Variants in BLTP1 observed in about 807,000 individuals in gnomAD.
The protein encoded by BLTP1 is fragile site-associated protein.
At chr4:122,237,167 TG>T in the BLTP1 span, 1 of 977,490 alleles carries the variant, frequency 1.0e-6, no homozygotes, top group Middle Eastern at 5.2e-4. Flanking sequence ...TTCACAGAGA[TG>T]TTTTTTTCCA....
At chr4:122,154,037 G>T in the BLTP1 span, 4 of 984,746 alleles carry the variant, frequency 4.1e-6, no homozygotes, top group South Asian at 9.4e-5. Context: ...TTGTTAAGAT[G>T]AAACACTGCA....
At chr4:122,354,810 G>A in the BLTP1 span, among the ~76,000 whole-genome samples, 2 of 151,902 alleles carry the variant, frequency 1.3e-5, no homozygotes, top group Admixed American at 1.3e-4. Flanking sequence ...GGGATTACAG[G>A]TGTGCGCCAC....
At chr4:122,347,670 T>A in the BLTP1 span, 1 of 1,613,792 alleles carries the variant, frequency 6.2e-7, no homozygotes, top group Non-Finnish European at 8.5e-7. Context: ...ATGTGTTCAA[T>A]GAGCATATGA....
the BLTP1 span, among the ~76,000 whole-genome samples, chr4:122,280,614 G>C: frequency 7.1e-6 from 1 of 141,002 alleles, no homozygotes; most frequent in Non-Finnish European, 1.5e-5. Context: ...AGTGAGCCAA[G>C]ACTGCACCAT....
chr4:122,198,271 A>G, the BLTP1 span: 3,530 of 985,134 alleles, frequency 3.6e-3, 9 homozygotes, highest in South Asian at 0.015. Context: ...TAAAAATACA[A>G]TCTTACTAAG....
the BLTP1 span, among the ~76,000 whole-genome samples, chr4:122,242,224 A>G: frequency 6.6e-6 from 1 of 152,232 alleles, no homozygotes; most frequent in South Asian, 2.1e-4. Context: ...GGATCAACCT[A>G]AATGTCCATC....
chr4:122,306,664 G>C, the BLTP1 span: 1 of 947,560 alleles, frequency 1.1e-6, no homozygotes, highest in Non-Finnish European at 1.3e-6. Context: ...AATAAACATT[G>C]AGTAAGAGAG....
chr4:122,315,973 C>G, the BLTP1 span, among the ~76,000 whole-genome samples: 1 of 152,032 alleles, frequency 6.6e-6, no homozygotes, highest in African/African-American at 2.4e-5. Flanking sequence ...AAATTGCTAA[C>G]AGGTATGAGG....
the BLTP1 span, chr4:122,172,856 A>G: frequency 1.1e-6 from 1 of 870,926 alleles, no homozygotes; most frequent in Non-Finnish European, 1.4e-6. Context: ...TACTTGAAAC[A>G]TTGCTCTAAT....
chr4:122,165,167 C>T, the BLTP1 span, among the ~76,000 whole-genome samples: 10,199 of 151,796 alleles, frequency 0.067, 976 homozygotes, highest in African/African-American at 0.22. Flanking sequence ...GTGTGCTGCA[C>T]CCATTAACTC....
chr4:122,255,263 A>C, the BLTP1 span: 1 of 1,601,320 alleles, frequency 6.2e-7, no homozygotes, highest in Non-Finnish European at 8.5e-7. Context: ...AAATTACTCC[A>C]TCATTGATGA....
the BLTP1 span, chr4:122,353,255 A>T: frequency 1.5e-5 from 22 of 1,513,666 alleles, no homozygotes; most frequent in Non-Finnish European, 1.8e-5. The surrounding 1 kb of genome is among the most constrained non-coding windows in gnomAD (Gnocchi z 4.3). Flanking sequence ...GTTATCATGT[A>T]TCTGACATGT....
the BLTP1 span, chr4:122,271,552 G>A: frequency 6.2e-7 from 1 of 1,613,402 alleles, no homozygotes; most frequent in Non-Finnish European, 8.5e-7. Context: ...CAAAAGATGT[G>A]GTGGATCACA....
chr4:122,344,812 T>G, the BLTP1 span: 3 of 985,206 alleles, frequency 3.0e-6, no homozygotes, highest in Non-Finnish European at 3.6e-6. Context: ...TAAAAGTTGC[T>G]TCTTTTCTTC....
the BLTP1 span, among the ~76,000 whole-genome samples, chr4:122,185,643 A>T: frequency 1.3e-5 from 2 of 152,132 alleles, no homozygotes; most frequent in Non-Finnish European, 2.9e-5. Context: ...TCAAATACCA[A>T]TATGATAGTT....
chr4:122,218,475 A>T, the BLTP1 span, among the ~76,000 whole-genome samples: 1 of 152,194 alleles, frequency 6.6e-6, no homozygotes, highest in East Asian at 1.9e-4. Flanking sequence ...TATGACTTTA[A>T]GCCCTTCAAC....
the BLTP1 span, chr4:122,301,106 TAATA>T: frequency 3.8e-6 from 3 of 788,118 alleles, no homozygotes; most frequent in South Asian, 5.8e-5. Context: ...AAAATGTTAT[TAATA>T]AATGTCTACA....
chr4:122,296,547 T>C, the BLTP1 span, among the ~76,000 whole-genome samples: 2 of 152,100 alleles, frequency 1.3e-5, no homozygotes, highest in Admixed American at 1.3e-4. Flanking sequence ...TGGCATTCTT[T>C]ACAACATTAG....
chr4:122,330,845 A>T, the BLTP1 span: 1 of 214,236 alleles, frequency 4.7e-6, no homozygotes, highest in Non-Finnish European at 8.0e-6. Flanking sequence ...TTCAGGTGTT[A>T]AGTCTTTAAT....
Sources: gnomAD v4.1 joint callset for allele counts (sites outside exome capture counted in the v4.1 genomes callset) on GRCh38, gnomAD v4.1.1 for gene constraint, Gnocchi (gnomAD v3.1) non-coding constraint, MANE v1.5 for transcripts, NCBI Gene and HGNC (gene_info 2026-07-23, HGNC 2026-07-21) for gene names.